The following ELF1 variants were observed in gnomAD, a reference collection of about 807,000 sequenced individuals.
ELF1 encodes the protein E74 like ETS transcription factor 1.
Under a neutral mutation model 59.9 loss-of-function variants are expected in ELF1, and 24 were observed. The ratio of observed to expected loss-of-function variants is 0.40; its 90% CI spans 0.29 to 0.56. The LOEUF (loss-of-function observed/expected upper bound fraction) is 0.56, where lower values mean the gene tolerates loss of function less well. Ranked by LOEUF, ELF1 falls within the 20% of genes least tolerant of loss-of-function variation. The probability of loss-of-function intolerance (pLI) is 0.44; values close to 1 mark genes in which losing one functional copy is unlikely to be tolerated. For missense variants in ELF1, 627 were observed against 742.2 expected (o/e 0.84, Z 1.80); for synonymous variants, 248 against 266.2 (o/e 0.93, Z 0.67).
At chr13:40,968,721 C>CTTTTTTTTTTTTTT (rs35089615) in intron 2 of ELF1, among the ~76,000 whole-genome samples, 8 of 137,374 alleles carry the variant, frequency 5.8e-5, no homozygotes, top group African/African-American at 2.1e-4. Context: ...TTTCTATATT[C>CTTTTTTTTTTTTTT]TTTTTTTTTT....
In ELF1 at chr13:41,043,842, T is replaced by C. The variant is rs967908575; in HGVS notation, c.-229+16996A>G. Among the ~76,000 whole-genome samples the C allele has an allele frequency of 4.0e-4, 61 of 151,922 alleles. 1 individual carries two copies. On this transcript the variant is annotated intron_variant, in intron 1 of 1. Coordinates refer to the ELF1 transcript ENST00000405737. ...AGTTTTTTCCAATTCTGTGAAGTCATTGGTAGCTTGATGGTGATGGCACTG... is the reference window on the plus strand; with the variant it reads ...AGTTTTTTCCAATTCTGTGAAGTCACTGGTAGCTTGATGGTGATGGCACTG...
intron 2 of ELF1, among the ~76,000 whole-genome samples, chr13:40,966,170 T>C (rs932824381): frequency 3.9e-5 from 6 of 152,294 alleles, no homozygotes; most frequent in Admixed American, 6.5e-5. Flanking sequence ...CCACAAACCA[T>C]GGGAACAAGA....
chr13:41,024,553 T>C (rs1410567137), intron 1 of ELF1, among the ~76,000 whole-genome samples: 1 of 152,186 alleles, frequency 6.6e-6, no homozygotes, highest in African/African-American at 2.4e-5. Context: ...TTTTTGTATT[T>C]TTTTGTAGAG....
At chr13:41,007,243 G>A (rs1874811618) in intron 1 of ELF1, among the ~76,000 whole-genome samples, 1 of 152,088 alleles carries the variant, frequency 6.6e-6, no homozygotes, top group Non-Finnish European at 1.5e-5. Flanking sequence ...CAACTCAACA[G>A]TATCCTTCTA....
rs193169940 is a variant in ELF1 at position 41,024,317 on chromosome 13, G to T, written c.-229+36521C>A. Among the ~76,000 whole-genome samples, 465 of 151,658 alleles carry T rather than the reference G, an allele frequency of 3.1e-3. 4 individuals carry two copies. Among genetic ancestry groups the T allele is most frequent in the Non-Finnish European group, 5.7e-3 (385 of 67,848 alleles). ...TGTTTGTTTGTTTGTTTGTTTTGGG[G>T]GGGGTGGCTGTTTTTGTTTTTTGAG... On this transcript the variant is annotated intron_variant, in intron 1 of 1. Coordinates refer to the ELF1 transcript ENST00000405737.
At chr13:41,040,503 A>AT (rs1317074070) in intron 1 of ELF1, among the ~76,000 whole-genome samples, 2 of 151,930 alleles carry the variant, frequency 1.3e-5, no homozygotes, top group Admixed American at 1.3e-4. Context: ...GTGGAAGACA[A>AT]TTTTTTCACG....
intron 2 of ELF1, among the ~76,000 whole-genome samples, chr13:40,962,694 AAAG>A (rs1195600360): frequency 1.4e-4 from 21 of 151,788 alleles, no homozygotes; most frequent in East Asian, 1.2e-3. Flanking sequence ...AAAAAAAAAA[AAAG>A]AAGAAGAAGA....
chr13:40,941,413 T>A, intron 7 of ELF1, 43 bp from the exon 8 acceptor site: 2 of 1,485,098 alleles, frequency 1.3e-6, no homozygotes, highest in Non-Finnish European at 9.0e-7. Context: ...AAACATCAAT[T>A]AAAATATTCA....
intron 1 of ELF1, among the ~76,000 whole-genome samples, chr13:41,015,612 A>G (rs962665100): frequency 2.6e-5 from 4 of 152,204 alleles, no homozygotes; most frequent in Non-Finnish European, 4.4e-5. Context: ...TGATTGTTTA[A>G]GCAAATCCTA....
At chr13:41,054,900 C>T (rs1014632988) in intron 1 of ELF1, among the ~76,000 whole-genome samples, 3 of 152,242 alleles carry the variant, frequency 2.0e-5, no homozygotes, top group African/African-American at 4.8e-5. Context: ...TAACTAAACT[C>T]CTTAGCTCCA....
chr13:40,959,009 T>A lies in ELF1; in HGVS notation c.80A>T (p.Asp27Val). Reference protein sequence around the residue: ...NVMEDERQLGDPAIFPAVIVE... With the variant: ...NVMEDERQLGVPAIFPAVIVE... ...AATTACGGCAGGAAAAATAGCTGGA[T>A]CACCAAGCTGGGAAGGGTTAGGGAG... The change falls in exon 3 of 9, where the codon GAT (aspartate) becomes GTT (valine). Residue 27 changes from aspartate (D) to valine (V), a missense_variant. Around this residue, in one of 3 missense-constraint regions of ELF1, gnomAD observed 232 missense variants for 269.2 expected, o/e 0.86. Transcript: ENST00000239882. 6.2e-7 allele frequency: 1 copy of A among 1,610,528 alleles called. No individual in the cohort carries two copies. Among genetic ancestry groups the A allele is most frequent in the South Asian group, 1.1e-5 (1 of 90,608 alleles).
chr13:40,955,705 C>T (rs1181667717), intron 3 of ELF1, among the ~76,000 whole-genome samples: 1 of 131,908 alleles, frequency 7.6e-6, no homozygotes, highest in Non-Finnish European at 1.7e-5. Flanking sequence ...TGGCCAGCCG[C>T]CCCATCCGGG....
intron 3 of ELF1, among the ~76,000 whole-genome samples, chr13:40,955,306 C>T (rs1348346699): frequency 1.4e-5 from 2 of 147,310 alleles, no homozygotes; most frequent in South Asian, 2.2e-4. Context: ...GGCCAGCCGC[C>T]CCGTCCGGAA....
In ELF1 at chr13:40,981,180, G is replaced by A. The variant is rs1362923132; in HGVS notation, c.72+803C>T. Among the ~76,000 whole-genome samples, 4 of 152,142 alleles carry A rather than the reference G, an allele frequency of 2.6e-5. 1 individual carries two copies. In the South Asian group the frequency reaches 8.3e-4, roughly 32 times the overall value. ...TCAGTGATAAATCAACTTTAGGTTG[G>A]TTCTCAAAATATTTTTCCTAGTACC... On this transcript the variant is annotated intron_variant, in intron 2 of 8. Coordinates refer to ENST00000239882, the MANE Select transcript of ELF1 (RefSeq NM_172373.4).
At chr13:40,996,336 T>G (rs1292091720) in intron 1 of ELF1, among the ~76,000 whole-genome samples, 1 of 152,246 alleles carries the variant, frequency 6.6e-6, no homozygotes, top group Non-Finnish European at 1.5e-5. Flanking sequence ...TAAAAACTTA[T>G]GTCCACACAA....
At chr13:40,965,004 G>A (rs1872090193) in intron 2 of ELF1, among the ~76,000 whole-genome samples, 1 of 152,116 alleles carries the variant, frequency 6.6e-6, no homozygotes, top group Non-Finnish European at 1.5e-5. Flanking sequence ...TTGGTGTGTG[G>A]GTGTGCACGC....
intron 1 of ELF1, among the ~76,000 whole-genome samples, chr13:41,016,943 A>C (rs1405377930): frequency 1.3e-5 from 1 of 74,774 alleles, no homozygotes; most frequent in African/African-American, 5.7e-5. Flanking sequence ...AAAAAAAAAA[A>C]AAAAATATAT....
At chr13:40,944,890 T>G (rs752744958) in intron 5 of ELF1, among the ~76,000 whole-genome samples, 10 of 151,422 alleles carry the variant, frequency 6.6e-5, no homozygotes, top group Non-Finnish European at 1.3e-4. Flanking sequence ...AAAAAAAAAA[T>G]CACAAGGTCA....
intron 8 of ELF1, 21 bp downstream of exon 8, chr13:40,940,900 T>C: frequency 3.1e-6 from 5 of 1,592,768 alleles, no homozygotes; most frequent in Non-Finnish European, 4.3e-6. Context: ...GTGATAAGCA[T>C]CAGTAGTTTG....
Sources: gnomAD v4.1 joint callset for allele counts (sites outside exome capture counted in the v4.1 genomes callset) on GRCh38, gnomAD v4.1.1 for gene constraint, gnomAD v4.1.1 regional missense constraint, MANE v1.5 for transcripts, NCBI Gene and HGNC (gene_info 2026-07-23, HGNC 2026-07-21) for gene names.